The following UNC5D variants were observed in gnomAD, a reference collection of about 807,000 sequenced individuals.
UNC5D encodes the protein unc-5 netrin receptor D, also known as netrin receptor UNC5D.
UNC5D carries 39 observed loss-of-function variants against 105.4 expected under a neutral mutation model. The ratio of observed to expected loss-of-function variants is 0.37; its 90% CI spans 0.29 to 0.48. The LOEUF is 0.48. Ranked by LOEUF, UNC5D falls within the 20% of genes least tolerant of loss-of-function variation. The pLI is 0.98. For synonymous variants in UNC5D, 452 were observed against 450.4 expected (o/e 1.00, Z -0.04); for missense variants, 991 against 1,202.4 (o/e 0.82, Z 2.60).
chr8:35,525,622 C>T, intron 1 of UNC5D: 3 of 1,613,452 alleles, frequency 1.9e-6, no homozygotes, highest in Non-Finnish European at 2.5e-6. Context: ...TTGGGCTTTC[C>T]ACTGGAAGAG....
At chr8:35,341,493 T>C (rs1811454388) in intron 1 of UNC5D, among the ~76,000 whole-genome samples, 1 of 151,964 alleles carries the variant, frequency 6.6e-6, no homozygotes, top group Non-Finnish European at 1.5e-5. Context: ...GTGACAAATT[T>C]AAAATTGATT....
chr8:35,540,869 A>T lies in UNC5D; in HGVS notation c.104-8423A>T, dbSNP rs1815224809. 2.6e-5 allele frequency among the ~76,000 whole-genome samples: 4 copies of T among 152,134 alleles called. No individual in the cohort carries two copies. The South Asian group carries it at 6.2e-4, about 24-fold the overall frequency. On this transcript the variant is annotated intron_variant, in intron 1 of 16. Transcript: ENST00000404895. ...TCACCTGTGTTAGTGTGGCTGAAAGAATAACTGTCCTGTGTATTAGGACCA... is the reference window on the plus strand; with the variant it reads ...TCACCTGTGTTAGTGTGGCTGAAAGTATAACTGTCCTGTGTATTAGGACCA...
intron 9 of UNC5D, among the ~76,000 whole-genome samples, chr8:35,723,138 T>C (rs1033005488): frequency 6.6e-6 from 1 of 152,176 alleles, no homozygotes; most frequent in Non-Finnish European, 1.5e-5. Context: ...ACCTTGACCC[T>C]CATCGTCAAT....
intron 4 of UNC5D, among the ~76,000 whole-genome samples, chr8:35,663,130 A>G (rs1824213670): frequency 6.6e-6 from 1 of 152,204 alleles, no homozygotes; most frequent in Non-Finnish European, 1.5e-5. Context: ...GCTTTAGAGC[A>G]TCATGAAGGG....
At chr8:35,547,682 TA>T (rs1815798016) in intron 1 of UNC5D, among the ~76,000 whole-genome samples, 1 of 152,190 alleles carries the variant, frequency 6.6e-6, no homozygotes, top group Admixed American at 6.5e-5. Context: ...GCATGAATAG[TA>T]AGAGGCTCTG....
chr8:35,597,273 G>T (rs148967909), intron 4 of UNC5D, among the ~76,000 whole-genome samples: 208 of 152,202 alleles, frequency 1.4e-3, no homozygotes, highest in African/African-American at 4.7e-3. Context: ...GATTAGAAAG[G>T]AAAATGCTTA....
intron 1 of UNC5D, among the ~76,000 whole-genome samples, chr8:35,442,428 AG>A (rs1807468629): frequency 6.6e-6 from 1 of 151,822 alleles, no homozygotes; most frequent in South Asian, 2.1e-4. Context: ...GTTACTCTAG[AG>A]GCATGAGGTA....
intron 3 of UNC5D, among the ~76,000 whole-genome samples, chr8:35,590,443 T>G (rs1819093470): frequency 6.6e-6 from 1 of 152,188 alleles, no homozygotes. Flanking sequence ...AGTTTTATTT[T>G]TTTTCTCCAA....
intron 1 of UNC5D, among the ~76,000 whole-genome samples, chr8:35,247,343 C>T (rs1402199337): frequency 1.3e-5 from 2 of 149,236 alleles, no homozygotes; most frequent in East Asian, 3.9e-4. Context: ...TTTGGTGTAG[C>T]AGAAATAATA....
chr8:35,713,106 C>A (rs964007485), intron 8 of UNC5D, among the ~76,000 whole-genome samples: 1 of 151,740 alleles, frequency 6.6e-6, no homozygotes, highest in Non-Finnish European at 1.5e-5. Flanking sequence ...AAGTATATAT[C>A]TTTTCTTACT....
At chr8:35,500,013 T>C (rs1268583747) in intron 1 of UNC5D, among the ~76,000 whole-genome samples, 2 of 152,208 alleles carry the variant, frequency 1.3e-5, no homozygotes, top group Non-Finnish European at 2.9e-5. Context: ...ACTCAAACCC[T>C]AAACAGTATT....
At chr8:35,360,159 C>T (rs1801784485) in intron 1 of UNC5D, among the ~76,000 whole-genome samples, 1 of 152,092 alleles carries the variant, frequency 6.6e-6, no homozygotes, top group Non-Finnish European at 1.5e-5. Context: ...GTTCCTTTCC[C>T]TGTCCTTGAG....
intron 3 of UNC5D, among the ~76,000 whole-genome samples, chr8:35,572,046 G>A (rs1302686717): frequency 2.0e-5 from 3 of 152,092 alleles, no homozygotes; most frequent in African/African-American, 7.2e-5. Context: ...CAACACTTTG[G>A]AAGGCCGAGG....
At chr8:35,494,836 T>C (rs2130153490) in intron 1 of UNC5D, among the ~76,000 whole-genome samples, 1 of 152,298 alleles carries the variant, frequency 6.6e-6, no homozygotes, top group East Asian at 1.9e-4. Context: ...AAAAAGGACT[T>C]TTATTTGCTC....
chr8:35,301,630 A>G (rs1449029117), intron 1 of UNC5D, among the ~76,000 whole-genome samples: 1 of 152,192 alleles, frequency 6.6e-6, no homozygotes, highest in Non-Finnish European at 1.5e-5. Context: ...GATTGGCTGA[A>G]ATATGGCTGT....
intron 1 of UNC5D, among the ~76,000 whole-genome samples, chr8:35,313,247 T>A (rs989359422): frequency 1.3e-5 from 2 of 152,218 alleles, no homozygotes; most frequent in African/African-American, 4.8e-5. Context: ...TTCAAGGAGA[T>A]AGTTCATGGA....
intron 1 of UNC5D, among the ~76,000 whole-genome samples, chr8:35,249,721 T>G (rs1339938613): frequency 6.6e-6 from 1 of 152,078 alleles, no homozygotes. Context: ...TGTATAGAGC[T>G]TATGAAACTC....
chr8:35,505,540 G>C (rs963729006), intron 1 of UNC5D, among the ~76,000 whole-genome samples: 1 of 152,096 alleles, frequency 6.6e-6, no homozygotes, highest in Non-Finnish European at 1.5e-5. Flanking sequence ...ATCAAGATAG[G>C]ATTGGGAGGT....
chr8:35,471,320 A>G (rs1030261784), intron 1 of UNC5D, among the ~76,000 whole-genome samples: 8 of 152,186 alleles, frequency 5.3e-5, no homozygotes, highest in South Asian at 2.1e-4. Flanking sequence ...AGGTTTGATT[A>G]AAATATTTCA....
Sources: gnomAD v4.1 joint callset for allele counts (sites outside exome capture counted in the v4.1 genomes callset) on GRCh38, gnomAD v4.1.1 for gene constraint, MANE v1.5 for transcripts, NCBI Gene and HGNC (gene_info 2026-07-23, HGNC 2026-07-21) for gene names.